The following DGLUCY variants were observed in gnomAD, a reference collection of about 807,000 sequenced individuals.
DGLUCY encodes D-glutamate cyclase.
Under a neutral mutation model 58.5 loss-of-function variants are expected in DGLUCY, and 58 were observed. The ratio of observed to expected loss-of-function variants is 0.99; its 90% CI spans 0.80 to 1.23. The LOEUF (loss-of-function observed/expected upper bound fraction) is 1.23, where lower values mean the gene tolerates loss of function less well. Among genes scored for constraint, DGLUCY ranks in the 50% most tolerant of loss-of-function variants. DGLUCY has a pLI of 0.00. For synonymous variants in DGLUCY, 325 were observed against 314.1 expected, an observed-to-expected ratio of 1.03 and a Z score of -0.37; for missense variants, 779 against 784.7, an observed-to-expected ratio of 0.99 and a Z score of 0.09.
chr14:91,143,253 G>A (rs1053589644), intron 1 of DGLUCY, among the ~76,000 whole-genome samples: 5 of 151,542 alleles, frequency 3.3e-5, no homozygotes, highest in Non-Finnish European at 7.4e-5. Context: ...CCTCCACCAC[G>A]CCCGGCTAAT....
intron 3 of DGLUCY, among the ~76,000 whole-genome samples, chr14:91,161,395 G>A (rs2047972816): frequency 6.6e-6 from 1 of 152,128 alleles, no homozygotes; most frequent in Non-Finnish European, 1.5e-5. Flanking sequence ...AAACTTAGTG[G>A]CTTAAAACCA....
intron 1 of DGLUCY, among the ~76,000 whole-genome samples, chr14:91,152,675 A>G (rs759445102): frequency 7.9e-5 from 12 of 152,130 alleles, no homozygotes; most frequent in Non-Finnish European, 1.5e-4. Context: ...CTACCACAAA[A>G]ATTAATGAGT....
Position 91,196,404 on chromosome 14 carries a change from A to T in DGLUCY, c.1225A>T (p.Thr409Ser). 6.2e-7 allele frequency: 1 copy of T among 1,614,106 alleles called. No individual in the cohort carries two copies. The highest frequency in any genetic ancestry group is 8.5e-7 in the Non-Finnish European group (1 of 1,180,020). ...TCTGAAGACGCAGATCCCGATATTAACTTACCAAGGTGGATCAGTGGAAGC... is the reference window on the plus strand; with the variant it reads ...TCTGAAGACGCAGATCCCGATATTATCTTACCAAGGTGGATCAGTGGAAGC... ...GVLKTQIPIL[T>S]YQGGSVEAAQ... Residue 409 changes from threonine to serine, a missense_variant, in exon 10 of 14, where the codon ACT becomes TCT. Physicochemically the swap from Thr to Ser is moderately conservative, Grantham distance 58 (BLOSUM62 1). Coordinates refer to ENST00000256324, the MANE Select transcript of DGLUCY (RefSeq NM_001102368.3).
At chr14:91,149,050 T>C in intron 1 of DGLUCY, among the ~76,000 whole-genome samples, 1 of 151,786 alleles carries the variant, frequency 6.6e-6, no homozygotes, top group Non-Finnish European at 1.5e-5. Context: ...GAGTTTGAGA[T>C]CAGCCTGACC....
At chr14:91,080,926 G>T (rs970169575) in intron 1 of DGLUCY, among the ~76,000 whole-genome samples, 2 of 152,132 alleles carry the variant, frequency 1.3e-5, no homozygotes, top group Non-Finnish European at 2.9e-5. Flanking sequence ...TGTATTGGCC[G>T]GGCACGGTGG....
upstream of DGLUCY, among the ~76,000 whole-genome samples, chr14:91,111,202 A>C (rs11621332): frequency 4.3e-5 from 2 of 46,352 alleles, no homozygotes; most frequent in African/African-American, 9.9e-5. Context: ...ATTTATATAT[A>C]TGTGTGTGTG....
In DGLUCY at chr14:91,092,526, A is replaced by T. The variant is rs1174950687; in HGVS notation, c.-82+31822A>T. Reference sequence around the variant, plus strand: ...ATGATAAAAGGATTTTATATGACTTATCTTTTATTCATTCTCAACAGAGAC... The same window carrying T: ...ATGATAAAAGGATTTTATATGACTTTTCTTTTATTCATTCTCAACAGAGAC... On this transcript the variant is annotated intron_variant, in intron 1 of 4. Coordinates refer to the DGLUCY transcript ENST00000521334. 2.0e-5 allele frequency among the ~76,000 whole-genome samples: 3 copies of T among 152,240 alleles called. No individual in the cohort carries two copies. The East Asian group carries it at 5.8e-4, about 29-fold the overall frequency.
chr14:91,117,514 A>G, intron 1 of DGLUCY, among the ~76,000 whole-genome samples: 1 of 152,162 alleles, frequency 6.6e-6, no homozygotes, highest in East Asian at 1.9e-4. Context: ...AAAGTACTGA[A>G]TCATCCTGTG....
chr14:91,083,366 G>T (rs929425310), intron 1 of DGLUCY, among the ~76,000 whole-genome samples: 18 of 151,948 alleles, frequency 1.2e-4, no homozygotes, highest in African/African-American at 3.4e-4. Context: ...TACTAAAAAT[G>T]CTAAAATTAG....
At chr14:91,186,394 A>G (rs2049523096) in intron 8 of DGLUCY, among the ~76,000 whole-genome samples, 1 of 151,750 alleles carries the variant, frequency 6.6e-6, no homozygotes, top group African/African-American at 2.4e-5. Flanking sequence ...TTACAGGTGC[A>G]CACCACCATG....
At chr14:91,121,455 G>A (rs1177386880) in intron 1 of DGLUCY, among the ~76,000 whole-genome samples, 2 of 151,966 alleles carry the variant, frequency 1.3e-5, no homozygotes, top group African/African-American at 2.4e-5. Flanking sequence ...TTGGGAGGCC[G>A]AGGTGGGTGG....
intron 1 of DGLUCY, chr14:91,114,686 C>CGAGGTGGCAATTGGGGAAGGGGTTCT (rs2044801899): frequency 1.3e-5 from 2 of 152,244 alleles, no homozygotes; most frequent in Non-Finnish European, 2.9e-5. Flanking sequence ...CAAAGCTAAT[C>CGAGGTGGCAATTGGGGAAGGGGTTCT]GAGGTGGCAA....
intron 7 of DGLUCY, among the ~76,000 whole-genome samples, chr14:91,176,595 G>A (rs1473790117): frequency 6.6e-6 from 1 of 152,014 alleles, no homozygotes; most frequent in Non-Finnish European, 1.5e-5. Flanking sequence ...CAATTTTTTT[G>A]TCGTTGGTTT....
upstream of DGLUCY, among the ~76,000 whole-genome samples, chr14:91,113,259 C>T (rs1232093708): frequency 6.6e-6 from 1 of 152,162 alleles, no homozygotes; most frequent in Admixed American, 6.6e-5. Context: ...GAGATCGTGC[C>T]ACTGCACTCC....
intron 1 of DGLUCY, among the ~76,000 whole-genome samples, chr14:91,095,356 G>T (rs899689123): frequency 1.3e-5 from 2 of 152,168 alleles, no homozygotes; most frequent in African/African-American, 4.8e-5. Context: ...GTCGGCAGAG[G>T]CTGCCACTCT....
At chr14:91,121,606 CAAA>C (rs1292220908) in intron 1 of DGLUCY, among the ~76,000 whole-genome samples, 1 of 85,766 alleles carries the variant, frequency 1.2e-5, no homozygotes, top group African/African-American at 3.8e-5. Context: ...GACTCCATCT[CAAA>C]AATAATAATA....
chr14:91,220,779 C>T, intron 13 of DGLUCY: 1 of 429,152 alleles, frequency 2.3e-6, no homozygotes, highest in Non-Finnish European at 4.8e-6. Context: ...CTCGTCATTG[C>T]CTGTGCCAGA....
chr14:91,188,929 C>T lies in DGLUCY; in HGVS notation c.954C>T (p.His318=). 3.1e-6 allele frequency: 5 copies of T among 1,614,026 alleles called. No homozygotes were observed. Among genetic ancestry groups the T allele is most frequent in the Non-Finnish European group, 3.4e-6 (4 of 1,179,968 alleles). ...GIDPGNRGIG[H]LLCKDELLKA... ...TTTCAGGGAACCGGGGGATTGGGCACCTGCTCTGTAAAGATGAGCTGCTGA... is the reference window on the plus strand; with the variant it reads ...TTTCAGGGAACCGGGGGATTGGGCATCTGCTCTGTAAAGATGAGCTGCTGA... The change falls in exon 9 of 14, where the codon CAC becomes CAT. Residue 318 remains histidine (H), a synonymous_variant. Coordinates refer to ENST00000256324, the MANE Select transcript of DGLUCY (RefSeq NM_001102368.3).
chr14:91,143,803 T>C (rs2046868243), intron 1 of DGLUCY, among the ~76,000 whole-genome samples: 1 of 152,168 alleles, frequency 6.6e-6, no homozygotes, highest in Non-Finnish European at 1.5e-5. Context: ...ACTAACATGA[T>C]TTAATCTTCC....
Sources: gnomAD v4.1 joint callset for allele counts (sites outside exome capture counted in the v4.1 genomes callset) on GRCh38, gnomAD v4.1.1 for gene constraint, MANE v1.5 for transcripts, NCBI Gene and HGNC (gene_info 2026-07-23, HGNC 2026-07-21) for gene names.